SLC15A5: variants seen among roughly 807,000 people sequenced by gnomAD.
The protein encoded by SLC15A5 is solute carrier family 15 member 5.
SLC15A5 carries 58 observed loss-of-function variants against 56.1 expected under a neutral mutation model. The ratio of observed to expected loss-of-function variants is 1.03; its 90% CI spans 0.84 to 1.29. The LOEUF is 1.29. SLC15A5 is among the 50% of genes most tolerant of loss of function. The probability of loss-of-function intolerance (pLI) is 0.00; values close to 1 mark genes in which losing one functional copy is unlikely to be tolerated. For synonymous variants in SLC15A5, 264 were observed against 250.5 expected (o/e 1.05, Z -0.51); for missense variants, 681 against 672.1 (o/e 1.01, Z -0.15).
intron 5 of SLC15A5, among the ~76,000 whole-genome samples, chr12:16,231,176 G>C (rs996026582): frequency 6.6e-6 from 1 of 152,136 alleles, no homozygotes; most frequent in Non-Finnish European, 1.5e-5. Flanking sequence ...TGCAGATTTA[G>C]AATACTTTTA....
intron 2 of SLC15A5, among the ~76,000 whole-genome samples, chr12:16,268,867 C>T (rs2136820467): frequency 6.6e-6 from 1 of 152,154 alleles, no homozygotes; most frequent in East Asian, 1.9e-4. Context: ...ATGTTGAAAT[C>T]TTAACTTGGT....
At chr12:16,216,186 T>C (rs979422636) in intron 7 of SLC15A5, among the ~76,000 whole-genome samples, 6 of 152,174 alleles carry the variant, frequency 3.9e-5, no homozygotes, top group African/African-American at 1.4e-4. Context: ...AAATTAAAGA[T>C]ATATCGACAT....
At chr12:16,230,404 C>T (rs1037424830) in intron 5 of SLC15A5, among the ~76,000 whole-genome samples, 1 of 152,048 alleles carries the variant, frequency 6.6e-6, no homozygotes, top group African/African-American at 2.4e-5. Flanking sequence ...GCTTATTTTA[C>T]TGAGCTCTTT....
chr12:16,220,087 A>C (rs2136247741), intron 6 of SLC15A5, among the ~76,000 whole-genome samples: 1 of 152,236 alleles, frequency 6.6e-6, no homozygotes, highest in South Asian at 2.1e-4. Context: ...AAATGTGTGT[A>C]TTGTGTTTGG....
intron 5 of SLC15A5, among the ~76,000 whole-genome samples, chr12:16,231,316 C>T (rs568281291): frequency 6.6e-6 from 1 of 151,454 alleles, no homozygotes; most frequent in South Asian, 2.1e-4. Context: ...TAAATGATGG[C>T]AAAGAAATTT....
chr12:16,201,098 T>C (rs1284114693), intron 7 of SLC15A5, among the ~76,000 whole-genome samples: 1 of 152,118 alleles, frequency 6.6e-6, no homozygotes, highest in East Asian at 1.9e-4. Flanking sequence ...TAAACATTAA[T>C]TGCCAAAGTT....
chr12:16,252,752 C>A (rs1436750145), intron 3 of SLC15A5, among the ~76,000 whole-genome samples: 2 of 151,976 alleles, frequency 1.3e-5, no homozygotes, highest in Non-Finnish European at 2.9e-5. Flanking sequence ...AGATTCAATG[C>A]AATCCCTGTC....
rs74065818 is a variant in SLC15A5 at position 16,235,531 on chromosome 12, G to A, written c.1162+4150C>T. ...ATATTAGATGATCTACCTCACCTCT[G>A]ATTTAATTCCAACTTGATGTTACAT... On this transcript the variant is annotated intron_variant, in intron 5 of 8. Coordinates refer to ENST00000344941, the MANE Select transcript of SLC15A5 (RefSeq NM_001170798.1). The surrounding 1 kb of genome is among the most constrained non-coding windows in gnomAD (Gnocchi z 4.1). Among the ~76,000 whole-genome samples the A allele has an allele frequency of 5.8e-3, 887 of 151,978 alleles. 11 individuals carry two copies. Among genetic ancestry groups the A allele is most frequent in the African/African-American group, 0.02 (820 of 41,468 alleles).
In SLC15A5 at chr12:16,231,349, A is replaced by G. The variant is rs1864296132; in HGVS notation, c.1163-6747T>C. 1.3e-5 allele frequency among the ~76,000 whole-genome samples: 2 copies of G among 152,234 alleles called. 1 individual carries two copies. The highest frequency in any genetic ancestry group is 4.1e-4 in the South Asian group (2 of 4,838). ...TTTGGAAAAGGTAAAAAGTCAGAGA[A>G]AGAGAAAACAATGGTGGACAAAAAT... is the stretch of plus-strand genomic sequence containing the variant. On this transcript the variant is annotated intron_variant, in intron 5 of 8. Transcript: ENST00000344941.
chr12:16,210,207 G>A (rs1347538497), intron 7 of SLC15A5, among the ~76,000 whole-genome samples: 1 of 152,104 alleles, frequency 6.6e-6, no homozygotes, highest in African/African-American at 2.4e-5. Flanking sequence ...TCTAGTTTCA[G>A]CTTCAATACC....
intron 2 of SLC15A5, among the ~76,000 whole-genome samples, chr12:16,259,397 C>T (rs1383458550): frequency 6.6e-6 from 1 of 151,296 alleles, no homozygotes; most frequent in East Asian, 2.0e-4. Context: ...TTCTTTCCTT[C>T]CTTCGTCCCT....
In SLC15A5 at chr12:16,231,441, A is replaced by T. The variant is rs540773354; in HGVS notation, c.1163-6839T>A. On this transcript the variant is annotated intron_variant, in intron 5 of 8. Transcript: ENST00000344941. ...TTAGAAAAATAAATGAGGGAGCTACAATCTAAACTGACAGCTGAGTGAGAG... is the reference window on the plus strand; with the variant it reads ...TTAGAAAAATAAATGAGGGAGCTACTATCTAAACTGACAGCTGAGTGAGAG... Among the ~76,000 whole-genome samples the T allele has an allele frequency of 1.4e-4, 22 of 152,360 alleles. No homozygotes were observed. The East Asian group carries it at 4.2e-3, about 29-fold the overall frequency.
intron 3 of SLC15A5, among the ~76,000 whole-genome samples, chr12:16,256,732 A>G (rs896304716): frequency 6.6e-6 from 1 of 151,692 alleles, no homozygotes; most frequent in Non-Finnish European, 1.5e-5. Flanking sequence ...GGTGGCGGGC[A>G]CCTGTAGTCC....
intron 5 of SLC15A5, among the ~76,000 whole-genome samples, chr12:16,239,439 C>T (rs1864388881): frequency 6.6e-6 from 1 of 152,168 alleles, no homozygotes; most frequent in Non-Finnish European, 1.5e-5. Context: ...GGAAATTTCA[C>T]CATCTCTTTA....
At chr12:16,193,083 G>A (rs1326003141) in intron 8 of SLC15A5, among the ~76,000 whole-genome samples, 2 of 152,034 alleles carry the variant, frequency 1.3e-5, no homozygotes, top group East Asian at 3.9e-4. Context: ...TGCTGGGTGA[G>A]CACCACTTAT....
intron 2 of SLC15A5, among the ~76,000 whole-genome samples, chr12:16,260,546 T>G (rs559993579): frequency 3.9e-5 from 6 of 152,200 alleles, no homozygotes; most frequent in African/African-American, 1.4e-4. Context: ...CTTCATATAT[T>G]TTGGATGCAT....
chr12:16,275,277 G>A (rs566611759), intron 1 of SLC15A5, among the ~76,000 whole-genome samples: 1 of 152,196 alleles, frequency 6.6e-6, no homozygotes, highest in Admixed American at 6.6e-5. Context: ...AGAAGAGCAT[G>A]TACAAGATTA....
chr12:16,216,291 T>C, intron 7 of SLC15A5, among the ~76,000 whole-genome samples: 1 of 152,318 alleles, frequency 6.6e-6, no homozygotes, highest in Non-Finnish European at 1.5e-5. Context: ...CTGGCTGTTG[T>C]TTTTACCAAC....
chr12:16,241,205 C>T (rs1047122735), intron 4 of SLC15A5, among the ~76,000 whole-genome samples: 2 of 152,260 alleles, frequency 1.3e-5, no homozygotes, highest in Middle Eastern at 3.4e-3. Flanking sequence ...ACCAAGTCTT[C>T]TTGAGGAATG....
Sources: gnomAD v4.1 joint callset for allele counts (sites outside exome capture counted in the v4.1 genomes callset) on GRCh38, gnomAD v4.1.1 for gene constraint, Gnocchi (gnomAD v3.1) non-coding constraint, MANE v1.5 for transcripts, NCBI Gene and HGNC (gene_info 2026-07-23, HGNC 2026-07-21) for gene names.